TCF4: variants seen among roughly 807,000 people sequenced by gnomAD.
TCF4 encodes the protein transcription factor 4.
TCF4 carries 3 observed loss-of-function variants against 82.1 expected under a neutral mutation model. The observed-to-expected ratio is 0.04, with a 90% CI of 0.02 to 0.09. The LOEUF (loss-of-function observed/expected upper bound fraction) is 0.09, where lower values mean the gene tolerates loss of function less well. Ranked by LOEUF, TCF4 falls within the 10% of genes least tolerant of loss-of-function variation. TCF4 has a pLI of 1.00. For synonymous variants in TCF4, 276 were observed against 309.6 expected (o/e 0.89, Z 1.14); for missense variants, 518 against 852.7 (o/e 0.61, Z 4.89).
At chr18:55,442,847 T>C (rs1273874201) in intron 5 of TCF4, among the ~76,000 whole-genome samples, 3 of 152,182 alleles carry the variant, frequency 2.0e-5, no homozygotes, top group Non-Finnish European at 2.9e-5. Flanking sequence ...CAGTACAGAA[T>C]GAACACATGA....
At chr18:55,616,886 G>C (rs1202057771) in intron 2 of TCF4, among the ~76,000 whole-genome samples, 1 of 151,984 alleles carries the variant, frequency 6.6e-6, no homozygotes, top group Non-Finnish European at 1.5e-5. Flanking sequence ...CCATTTGGTA[G>C]GTTGCTTTTT....
intron 5 of TCF4, among the ~76,000 whole-genome samples, chr18:55,406,095 C>T (rs2146552611): frequency 6.8e-6 from 1 of 148,066 alleles, no homozygotes; most frequent in East Asian, 2.0e-4. Context: ...ACCAAAGAGG[C>T]AGCACAGCCA....
chr18:55,230,190 G>A (rs1171562269), intron 17 of TCF4: 4 of 144,534 alleles, frequency 2.8e-5, no homozygotes, highest in African/African-American at 7.5e-5. Flanking sequence ...ATTTCTAATT[G>A]TGAAAACCAA....
At chr18:55,593,762 G>A (rs1054983467) in intron 2 of TCF4, among the ~76,000 whole-genome samples, 5 of 152,076 alleles carry the variant, frequency 3.3e-5, no homozygotes, top group African/African-American at 1.2e-4. Flanking sequence ...ATCCAAAGAT[G>A]CAGCAAGTAA....
intron 8 of TCF4, among the ~76,000 whole-genome samples, chr18:55,299,829 A>G (rs966619409): frequency 5.3e-5 from 8 of 152,170 alleles, no homozygotes; most frequent in Non-Finnish European, 7.3e-5. Flanking sequence ...GCTGAGCCAC[A>G]GTAATGAGGA....
At chr18:55,513,278 C>T (rs2096846733) in intron 3 of TCF4, among the ~76,000 whole-genome samples, 1 of 152,030 alleles carries the variant, frequency 6.6e-6, no homozygotes, top group Admixed American at 6.6e-5. Flanking sequence ...CTGGACAAAA[C>T]CTCTCTGAGA....
At chr18:55,364,288 A>C (rs1467615937) in intron 6 of TCF4, among the ~76,000 whole-genome samples, 1 of 152,234 alleles carries the variant, frequency 6.6e-6, no homozygotes, top group African/African-American at 2.4e-5. Context: ...AAATTTACAA[A>C]AGCCTAGCAG....
chr18:55,340,388 G>A lies in TCF4; in HGVS notation c.549+9971C>T, dbSNP rs377327069. Among the ~76,000 whole-genome samples the A allele has an allele frequency of 1.1e-4, 17 of 151,960 alleles. No individual in the cohort carries two copies. In the East Asian group the frequency reaches 3.3e-3, roughly 29 times the overall value. ...TGATAGAGATGGGTTTGCAGAGCCTGGGAAACACAGGGAGACCCTGTCTCT... is the reference window on the plus strand; with the variant it reads ...TGATAGAGATGGGTTTGCAGAGCCTAGGAAACACAGGGAGACCCTGTCTCT... On this transcript the variant is annotated intron_variant, in intron 8 of 19. Coordinates refer to ENST00000354452, the MANE Select transcript of TCF4 (RefSeq NM_001083962.2).
chr18:55,511,670 C>T (rs551165718), intron 3 of TCF4, among the ~76,000 whole-genome samples: 94 of 152,106 alleles, frequency 6.2e-4, no homozygotes, highest in African/African-American at 2.2e-3. Context: ...TTGGACCTGA[C>T]AGTATATTTC....
intron 6 of TCF4, chr18:55,400,949 A>G: frequency 7.8e-7 from 1 of 1,288,414 alleles, no homozygotes; most frequent in South Asian, 1.2e-5. Context: ...CCGTATCTCA[A>G]TCATGTAGTA....
intron 6 of TCF4, among the ~76,000 whole-genome samples, chr18:55,385,325 A>C (rs571867246): frequency 7.6e-4 from 116 of 152,350 alleles, no homozygotes; most frequent in African/African-American, 2.7e-3. Flanking sequence ...ACTTTTATTC[A>C]ACTCTTCTTC....
chr18:55,570,362 C>G (rs1374018693), intron 3 of TCF4, among the ~76,000 whole-genome samples: 1 of 152,034 alleles, frequency 6.6e-6, no homozygotes, highest in African/African-American at 2.4e-5. Context: ...TTATCAAGAG[C>G]TACCATAGAG....
chr18:55,375,436 T>A (rs2090491519), intron 6 of TCF4, among the ~76,000 whole-genome samples: 1 of 152,144 alleles, frequency 6.6e-6, no homozygotes, highest in South Asian at 2.1e-4. Flanking sequence ...ACAGAAAACT[T>A]ATTTAATAAT....
At chr18:55,378,028 C>T (rs765413718) in intron 6 of TCF4, among the ~76,000 whole-genome samples, 25 of 152,076 alleles carry the variant, frequency 1.6e-4, no homozygotes, top group South Asian at 8.3e-4. Context: ...AAAAGAAATA[C>T]GTGGTTTTAA....
At chr18:55,278,503 T>C (rs2061896498) in intron 9 of TCF4, among the ~76,000 whole-genome samples, 1 of 152,238 alleles carries the variant, frequency 6.6e-6, no homozygotes, top group Non-Finnish European at 1.5e-5. Context: ...ATTCTTGAAG[T>C]AGCTGCTATC....
intron 2 of TCF4, among the ~76,000 whole-genome samples, chr18:55,597,203 T>A (rs2097691880): frequency 6.6e-6 from 1 of 152,142 alleles, no homozygotes; most frequent in Admixed American, 6.5e-5. Flanking sequence ...AATTACCCAG[T>A]CTTAGGTAGT....
At position 55,471,774 on chromosome 18, in the gene TCF4, A is replaced by G. The variant is rs549012099; in HGVS notation, c.146-7637T>C. Reference sequence around the variant, plus strand: ...GAGCAAGACTCTGTCTCAAAAAAAAAAAAAAAAGATAAGTCAAATATAAAG... The same window carrying G: ...GAGCAAGACTCTGTCTCAAAAAAAAGAAAAAAAGATAAGTCAAATATAAAG... On this transcript the variant is annotated intron_variant, in intron 3 of 19. Transcript: ENST00000354452. Among the ~76,000 whole-genome samples, 3 of 152,134 alleles carry G rather than the reference A, an allele frequency of 2.0e-5. No homozygotes were observed. The South Asian group carries it at 6.2e-4, about 32-fold the overall frequency.
chr18:55,523,497 A>C (rs2096951081), intron 3 of TCF4, among the ~76,000 whole-genome samples: 2 of 152,028 alleles, frequency 1.3e-5, no homozygotes, highest in Non-Finnish European at 2.9e-5. Context: ...TAAATAATCT[A>C]AAATTGCATA....
chr18:55,402,137 G>A, intron 6 of TCF4: 2 of 985,408 alleles, frequency 2.0e-6, no homozygotes, highest in Non-Finnish European at 2.4e-6. Flanking sequence ...GCCATGAACT[G>A]CACTCCGGCA....
Sources: gnomAD v4.1 joint callset for allele counts (sites outside exome capture counted in the v4.1 genomes callset) on GRCh38, gnomAD v4.1.1 for gene constraint, MANE v1.5 for transcripts, NCBI Gene and HGNC (gene_info 2026-07-23, HGNC 2026-07-21) for gene names.